Variants in GAS2 observed in about 807,000 individuals in gnomAD.
GAS2 encodes the protein growth arrest-specific protein 2.
GAS2 carries 20 observed loss-of-function variants against 37.5 expected under a neutral mutation model. The observed-to-expected ratio is 0.53, with a 90% CI of 0.37 to 0.77. The LOEUF (loss-of-function observed/expected upper bound fraction) is 0.77, where lower values mean the gene tolerates loss of function less well. Ranked by LOEUF, GAS2 falls within the 30% of genes least tolerant of loss-of-function variation. The pLI is 0.00. For missense variants in GAS2, 336 were observed against 373.4 expected, an observed-to-expected ratio of 0.90 and a Z score of 0.82; for synonymous variants, 144 against 132.2, an observed-to-expected ratio of 1.09 and a Z score of -0.61.
intron 2 of GAS2, among the ~76,000 whole-genome samples, chr11:22,684,486 C>T (rs1463866081): frequency 6.7e-6 from 1 of 148,422 alleles, no homozygotes; most frequent in East Asian, 1.9e-4. Flanking sequence ...ATCTGTAGGA[C>T]TTCTGACTAA....
intron 3 of GAS2, among the ~76,000 whole-genome samples, chr11:22,713,748 G>A (rs1298993277): frequency 2.0e-5 from 3 of 152,054 alleles, no homozygotes; most frequent in Non-Finnish European, 4.4e-5. Context: ...CTTGTACACA[G>A]CAAACTAAGC....
chr11:22,671,439 T>A (rs1373034409), intron 1 of GAS2, among the ~76,000 whole-genome samples: 2 of 152,118 alleles, frequency 1.3e-5, no homozygotes, highest in Non-Finnish European at 2.9e-5. Flanking sequence ...ATCAAGCTTT[T>A]AAAATACTTG....
At chr11:22,690,673 T>A (rs1219819043) in intron 3 of GAS2, among the ~76,000 whole-genome samples, 1 of 152,182 alleles carries the variant, frequency 6.6e-6, no homozygotes, top group African/African-American at 2.4e-5. Flanking sequence ...AATCTTTCAA[T>A]ATTGTTTTAG....
At chr11:22,662,440 A>G (rs1361306321), upstream of GAS2, among the ~76,000 whole-genome samples, 1 of 152,242 alleles carries the variant, frequency 6.6e-6, no homozygotes, top group Non-Finnish European at 1.5e-5. Flanking sequence ...TAAAATAATC[A>G]TTCATTTCTT....
intron 7 of GAS2, among the ~76,000 whole-genome samples, chr11:22,771,287 C>G (rs1308028104): frequency 6.6e-6 from 1 of 152,026 alleles, no homozygotes; most frequent in Non-Finnish European, 1.5e-5. Context: ...CTTGTATGAA[C>G]CTGGGTTTTA....
intron 7 of GAS2, among the ~76,000 whole-genome samples, chr11:22,789,133 G>T (rs561019271): frequency 6.6e-6 from 1 of 150,430 alleles, no homozygotes; most frequent in African/African-American, 2.4e-5. Context: ...TACTGTAATA[G>T]AGAAGAAGTA....
chr11:22,785,893 A>G (rs4531471), intron 7 of GAS2, among the ~76,000 whole-genome samples: 145,682 of 152,174 alleles, frequency 0.96, 70,032 homozygotes, highest in East Asian at 1. Flanking sequence ...GCACATTCAG[A>G]AATTACCTTC....
At chr11:22,662,953 T>C (rs557999508), upstream of GAS2, among the ~76,000 whole-genome samples, 2 of 152,292 alleles carry the variant, frequency 1.3e-5, no homozygotes, top group African/African-American at 4.8e-5. Flanking sequence ...CACTGTGCTA[T>C]AAAGAACTAC....
At chr11:22,653,505 C>T (rs1263309526) in intron 1 of GAS2, among the ~76,000 whole-genome samples, 1 of 152,168 alleles carries the variant, frequency 6.6e-6, no homozygotes. Flanking sequence ...TTTTTAATCA[C>T]TTCCAGATCT....
At chr11:22,637,805 A>T (rs1858857330) in intron 1 of GAS2, among the ~76,000 whole-genome samples, 2 of 147,196 alleles carry the variant, frequency 1.4e-5, no homozygotes. Flanking sequence ...ATATTTATGT[A>T]TAAATTGTAT....
intron 1 of GAS2, among the ~76,000 whole-genome samples, chr11:22,630,023 C>T (rs955406848): frequency 6.6e-5 from 10 of 152,120 alleles, no homozygotes; most frequent in African/African-American, 2.4e-4. Flanking sequence ...CATTCTTCTA[C>T]ATAGGGCTAT....
chr11:22,759,255 A>G (rs1200268425), intron 7 of GAS2, among the ~76,000 whole-genome samples: 2 of 152,224 alleles, frequency 1.3e-5, no homozygotes, highest in African/African-American at 4.8e-5. Context: ...TCTGGAAACC[A>G]ATGTATGAAT....
rs543599584 is a variant in GAS2 at position 22,782,798 on chromosome 11, C to A, written c.723+26845C>A. ...TTTTTTTTTTTTGGCCGTATAGTGT[C>A]TACGTACCATGGTATATATGTACCA... On this transcript the variant is annotated intron_variant, in intron 7 of 7. Transcript: ENST00000454584. Among the ~76,000 whole-genome samples the A allele has an allele frequency of 5.7e-5, 7 of 121,934 alleles. No homozygotes were observed. The East Asian group carries it at 1.2e-3, about 21-fold the overall frequency. The allele number at this position is 121,934 out of a possible 152,430, so 80.0% of individuals were successfully genotyped here. A position where few individuals can be genotyped will look rare whatever the true frequency, so the allele number is the denominator to read the frequency against.
At chr11:22,688,761 A>G (rs1430907335) in intron 3 of GAS2, among the ~76,000 whole-genome samples, 1 of 152,218 alleles carries the variant, frequency 6.6e-6, no homozygotes, top group Non-Finnish European at 1.5e-5. Flanking sequence ...GTTTTAGTAT[A>G]AAACCTTAAA....
intron 1 of GAS2, among the ~76,000 whole-genome samples, chr11:22,670,893 G>T (rs2062449): frequency 0.64 from 97,297 of 151,588 alleles, 31,979 homozygotes; most frequent in East Asian, 0.82. Flanking sequence ...ATCATTTCAT[G>T]TTTTTTGTCT....
chr11:22,723,055 A>G (rs115745978), intron 3 of GAS2, among the ~76,000 whole-genome samples: 2,127 of 151,972 alleles, frequency 0.014, 43 homozygotes, highest in African/African-American at 0.048. Flanking sequence ...GATAGGACTA[A>G]TGAGTGTGAC....
chr11:22,658,580 C>T (rs1179605122), intron 1 of GAS2, among the ~76,000 whole-genome samples: 1 of 152,112 alleles, frequency 6.6e-6, no homozygotes, highest in Non-Finnish European at 1.5e-5. Flanking sequence ...AGGGGGTTTC[C>T]TTGTCTGTTT....
chr11:22,790,975 A>G (rs371832664), intron 7 of GAS2, among the ~76,000 whole-genome samples: 44 of 152,230 alleles, frequency 2.9e-4, no homozygotes, highest in African/African-American at 9.9e-4. Context: ...AGAAATAAAA[A>G]TAACACTGAG....
intron 4 of GAS2, among the ~76,000 whole-genome samples, chr11:22,728,015 G>T (rs915752390): frequency 6.6e-6 from 1 of 151,934 alleles, no homozygotes; most frequent in Admixed American, 6.6e-5. Flanking sequence ...TTAACATCAC[G>T]ATTTAAAATT....
Sources: allele counts gnomAD v4.1 joint callset (sites outside exome capture counted in the v4.1 genomes callset), GRCh38; gene constraint gnomAD v4.1.1; transcripts MANE v1.5; gene names NCBI Gene and HGNC (gene_info 2026-07-23, HGNC 2026-07-21).